Variants in MGAT4A observed in about 807,000 individuals in gnomAD.
MGAT4A encodes alpha-1,3-mannosyl-glycoprotein 4-beta-N-acetylglucosaminyltransferase A.
MGAT4A carries 33 observed loss-of-function variants against 74.1 expected under a neutral mutation model. The ratio of observed to expected loss-of-function variants is 0.45; its 90% CI spans 0.34 to 0.60. The LOEUF (loss-of-function observed/expected upper bound fraction) is 0.60. Ranked by LOEUF, MGAT4A falls within the 20% of genes least tolerant of loss-of-function variation. The probability of loss-of-function intolerance (pLI) is 0.02; values close to 1 mark genes in which losing one functional copy is unlikely to be tolerated. For missense variants in MGAT4A, 479 were observed against 628.3 expected, an observed-to-expected ratio of 0.76 and a Z score of 2.54; for synonymous variants, 198 against 210.4, an observed-to-expected ratio of 0.94 and a Z score of 0.51.
At chr2:98,660,155 G>A (rs1235662829) in intron 5 of MGAT4A, among the ~76,000 whole-genome samples, 1 of 151,948 alleles carries the variant, frequency 6.6e-6, no homozygotes, top group African/African-American at 2.4e-5. Context: ...AAAATACTTA[G>A]GAAAAAATTT....
chr2:98,623,158 A>G lies in MGAT4A; in HGVS notation c.*2408T>C, dbSNP rs1701087417. 1.0e-6 allele frequency: 1 copy of G among 985,478 alleles called. No individual in the cohort carries two copies. The highest frequency in any genetic ancestry group is 4.7e-5 in the South Asian group (1 of 21,290). The allele number at this position is 985,478 out of a possible 1,614,324, so 61.0% of individuals were successfully genotyped here. Reference sequence around the variant, plus strand: ...GTAGATTCATGGGGAGAGAAGCACAAAAAAGTCCTGGAATGATAGGAAAGA... The same window carrying G: ...GTAGATTCATGGGGAGAGAAGCACAGAAAAGTCCTGGAATGATAGGAAAGA... On this transcript the variant is annotated 3_prime_UTR_variant, in exon 16 of 16. Coordinates refer to ENST00000393487, the MANE Select transcript of MGAT4A (RefSeq NM_012214.3).
chr2:98,643,321 G>T (rs1018776088), intron 10 of MGAT4A, among the ~76,000 whole-genome samples: 1 of 152,098 alleles, frequency 6.6e-6, no homozygotes, highest in African/African-American at 2.4e-5. Flanking sequence ...ACTGTACCTG[G>T]CCTAATTACT....
Position 98,717,175 on chromosome 2 carries a change from T to A in MGAT4A, c.94+9064A>T, listed in dbSNP as rs543041587. On this transcript the variant is annotated intron_variant, in intron 2 of 15. Coordinates refer to ENST00000393487, the MANE Select transcript of MGAT4A (RefSeq NM_012214.3). ...CGGGCAGATCACCTGAGGTCAGGAG[T>A]TTGAGAACAGCCTGGCCAACATGGT... Among the ~76,000 whole-genome samples the A allele has an allele frequency of 8.6e-5, 13 of 151,032 alleles. No homozygotes were observed. The East Asian group carries it at 2.5e-3, about 30-fold the overall frequency.
Position 98,623,456 on chromosome 2 carries a change from G to A in MGAT4A, c.*2110C>T, listed in dbSNP as rs942895631. 1.5e-5 allele frequency: 15 copies of A among 985,272 alleles called. No homozygotes were observed. In the Admixed American group the frequency reaches 1.8e-4, roughly 12 times the overall value. 61.0% of individuals were successfully genotyped at this position (985,272 alleles called of 1,614,324 possible). On this transcript the variant is annotated 3_prime_UTR_variant, in exon 16 of 16. Transcript: ENST00000393487. Reference sequence around the variant, plus strand: ...CCACCTGCAGAGATTTTTACTTCTGGTACTCAGTTATCTTTGCAGTAATTT... The same window carrying A: ...CCACCTGCAGAGATTTTTACTTCTGATACTCAGTTATCTTTGCAGTAATTT...
Position 98,622,734 on chromosome 2 carries a change from G to A in MGAT4A, c.*2832C>T, listed in dbSNP as rs374648624. ...GACAGATGAGCAGTATGAGCTGCAG[G>A]CTCGCCTCAGGAACCTGAAATCTGG... On this transcript the variant is annotated 3_prime_UTR_variant, in exon 16 of 16. Transcript: ENST00000393487. 1.0e-5 allele frequency: 10 copies of A among 985,746 alleles called. No individual in the cohort carries two copies. In the East Asian group the frequency reaches 4.5e-4, roughly 45 times the overall value. The allele number at this position is 985,746 out of a possible 1,614,324, so 61.1% of individuals were successfully genotyped here.
intron 2 of MGAT4A, among the ~76,000 whole-genome samples, chr2:98,705,316 C>T (rs999349530): frequency 6.6e-6 from 1 of 152,082 alleles, no homozygotes. Flanking sequence ...GGTTCTAGAT[C>T]GCAGGGAGCT....
At chr2:98,665,723 C>T (rs1701819957) in intron 4 of MGAT4A, among the ~76,000 whole-genome samples, 1 of 152,196 alleles carries the variant, frequency 6.6e-6, no homozygotes, top group Non-Finnish European at 1.5e-5. Context: ...TAGGTTGGTA[C>T]TGTCAGAGTG....
At position 98,726,322 on chromosome 2, in the gene MGAT4A, C is replaced by T. The variant is rs138660785; in HGVS notation, c.11G>A (p.Arg4His). Residue 4 changes from arginine to histidine, a missense_variant, in exon 2 of 16, where the codon CGC (arginine) becomes CAC (histidine). This residue lies in a region of MGAT4A where 205 missense variants were observed against 232.7 expected (regional missense o/e 0.88). Transcript: ENST00000393487. ...TAAAGCAGTGGCTACAGTTCCATTG[C>T]GGAGCCTCATCTCATTTCACCATCA... MRL[R>H]NGTVATALAF... The T allele has an allele frequency of 1.5e-3, 2,407 of 1,613,496 alleles. 34 individuals carry two copies. The East Asian group carries it at 0.029, about 19-fold the overall frequency.
At chr2:98,705,076 C>T (rs1309315392) in intron 2 of MGAT4A, among the ~76,000 whole-genome samples, 1 of 152,170 alleles carries the variant, frequency 6.6e-6, no homozygotes, top group East Asian at 1.9e-4. Flanking sequence ...ACCTTGATTC[C>T]AAGAAGCTCC....
chr2:98,625,574 T>A lies in MGAT4A; in HGVS notation c.1600A>T (p.Thr534Ser). The A allele has an allele frequency of 6.2e-7, 1 of 1,609,566 alleles. No homozygotes were observed. Among genetic ancestry groups the A allele is most frequent in the East Asian group, 2.2e-5 (1 of 44,758 alleles). Residue 534 changes from threonine to serine, a missense_variant, in exon 16 of 16, where the codon ACC becomes TCC. Thr to Ser is a moderately conservative substitution (Grantham distance 58). Around this residue, in one of 3 missense-constraint regions of MGAT4A, gnomAD observed 236 missense variants for 308.2 expected, o/e 0.77. Coordinates refer to ENST00000393487, the MANE Select transcript of MGAT4A (RefSeq NM_012214.3). ...ILNEIHIKKA[T>S]N The stretch of plus-strand genomic sequence containing the variant: ...GTTGGTTTCTCAGATGATCAGTTGG[T>A]GGCTTTTTTAATATGAATCTGAAAT...
intron 8 of MGAT4A, among the ~76,000 whole-genome samples, chr2:98,655,192 T>C (rs1701640445): frequency 6.6e-6 from 1 of 151,942 alleles, no homozygotes; most frequent in Admixed American, 6.6e-5. Flanking sequence ...GATGGGGGAA[T>C]GGGAGAAAAA....
intron 2 of MGAT4A, among the ~76,000 whole-genome samples, chr2:98,687,134 G>A (rs1483040532): frequency 6.6e-6 from 1 of 152,028 alleles, no homozygotes; most frequent in East Asian, 1.9e-4. Context: ...TCTTCATAAA[G>A]GTGTATTTCA....
intron 3 of MGAT4A, among the ~76,000 whole-genome samples, chr2:98,676,940 T>A (rs367693813): frequency 1.3e-5 from 2 of 152,196 alleles, no homozygotes; most frequent in Non-Finnish European, 2.9e-5. Context: ...GGTGACATAA[T>A]GCAAAGTTTA....
chr2:98,686,263 T>C (rs1326004229), intron 2 of MGAT4A, among the ~76,000 whole-genome samples: 1 of 152,154 alleles, frequency 6.6e-6, no homozygotes, highest in African/African-American at 2.4e-5. Flanking sequence ...TTATTTAAAT[T>C]AAAATAATGA....
chr2:98,640,236 T>C lies in MGAT4A; in HGVS notation c.1021-8A>G. On this transcript the variant is annotated splice_region_variant and splice_polypyrimidine_tract_variant and intron_variant, in intron 10 of 15. Transcript: ENST00000393487. The stretch of plus-strand genomic sequence containing the variant: ...CTGTCTATCACAATGTTTCTAAATA[T>C]TAAAAAAAATCACGTTAGTGTTGCA... 1.3e-6 allele frequency: 2 copies of C among 1,598,472 alleles called. No homozygotes were observed. Among genetic ancestry groups the C allele is most frequent in the African/African-American group, 1.3e-5 (1 of 74,200 alleles).
Position 98,662,332 on chromosome 2 carries a change from A to T in MGAT4A, c.537+714T>A, listed in dbSNP as rs552212286. The stretch of plus-strand genomic sequence containing the variant: ...TAATTTGAAATAGTTATATTTATGT[A>T]GAGGAGTAACAGGTAATTTTTCATT... On this transcript the variant is annotated intron_variant, in intron 5 of 15. Coordinates refer to ENST00000393487, the MANE Select transcript of MGAT4A (RefSeq NM_012214.3). Among the ~76,000 whole-genome samples the T allele has an allele frequency of 2.0e-4, 30 of 152,356 alleles. No individual in the cohort carries two copies. In the South Asian group the frequency reaches 6.2e-3, roughly 32 times the overall value.
chr2:98,728,244 C>T (rs1263205612), intron 1 of MGAT4A, among the ~76,000 whole-genome samples: 1 of 152,204 alleles, frequency 6.6e-6, no homozygotes, highest in Non-Finnish European at 1.5e-5. Context: ...CAACCCTCCA[C>T]CAAACTATGC....
rs1701469192 is a variant in MGAT4A, at chr2:98,645,361, A to T, written c.889+67T>A. Reference sequence around the variant, plus strand: ...AAAGACATCTTTAGGACAAGTAGCTACTTGGTTTTAGATTCTGAGAGTCAC... The same window carrying T: ...AAAGACATCTTTAGGACAAGTAGCTTCTTGGTTTTAGATTCTGAGAGTCAC... On this transcript the variant is annotated intron_variant, in intron 9 of 15. Coordinates refer to ENST00000393487, the MANE Select transcript of MGAT4A (RefSeq NM_012214.3). The T allele has an allele frequency of 4.2e-6, 5 of 1,182,788 alleles. No homozygotes were observed. In the Admixed American group the frequency reaches 8.1e-5, roughly 19 times the overall value. The allele number at this position is 1,182,788 out of a possible 1,614,324, so 73.3% of individuals were successfully genotyped here.
intron 9 of MGAT4A, among the ~76,000 whole-genome samples, chr2:98,644,578 A>G (rs1701457978): frequency 6.6e-6 from 1 of 152,058 alleles, no homozygotes; most frequent in Non-Finnish European, 1.5e-5. Context: ...TGAAATGTTA[A>G]CCTCTCAATA....
Sources: allele counts gnomAD v4.1 joint callset (sites outside exome capture counted in the v4.1 genomes callset), GRCh38; gene constraint gnomAD v4.1.1; regional missense constraint gnomAD v4.1.1; transcripts MANE v1.5; gene names NCBI Gene and HGNC (gene_info 2026-07-23, HGNC 2026-07-21).